The following EXTL3 variants were observed in gnomAD, a reference collection of about 807,000 sequenced individuals.
EXTL3 encodes the protein exostosin-like 3.
In EXTL3, 27 loss-of-function variants were observed where a neutral mutation model predicts 69.3. That is an observed-to-expected ratio of 0.39 (90% CI 0.29 to 0.54). The LOEUF (loss-of-function observed/expected upper bound fraction) is 0.54, where lower values mean the gene tolerates loss of function less well. Ranked by LOEUF, EXTL3 falls within the 20% of genes least tolerant of loss-of-function variation. The pLI is 0.69. For synonymous variants in EXTL3, 511 were observed against 499.4 expected (o/e 1.02, Z -0.31); for missense variants, 1,003 against 1,231.8 (o/e 0.81, Z 2.78).
At chr8:28,609,121 T>G (rs1806239749) in intron 2 of EXTL3, among the ~76,000 whole-genome samples, 1 of 140,730 alleles carries the variant, frequency 7.1e-6, no homozygotes, top group African/African-American at 2.6e-5. Flanking sequence ...GGACTGAGCT[T>G]GACACATTTG....
At chr8:28,629,680 GA>G (rs1476835754) in intron 1 of EXTL3, among the ~76,000 whole-genome samples, 1 of 152,110 alleles carries the variant, frequency 6.6e-6, no homozygotes, top group Non-Finnish European at 1.5e-5. Context: ...TTCCATCAAG[GA>G]AGCCACCCAG....
At chr8:28,611,347 G>A (rs542963795) in intron 2 of EXTL3, among the ~76,000 whole-genome samples, 2 of 152,152 alleles carry the variant, frequency 1.3e-5, no homozygotes, top group East Asian at 3.9e-4. Context: ...CAGCTCCTTG[G>A]TAGGCTGAGG....
At chr8:28,665,416 C>CT (rs34069791) in intron 1 of EXTL3, among the ~76,000 whole-genome samples, 7,897 of 115,376 alleles carry the variant, frequency 0.068, 559 homozygotes, top group East Asian at 0.24. Flanking sequence ...CACTTGTTTA[C>CT]TTTTTTTTTT....
chr8:28,739,018 CTCT>C (rs1801718976), intron 5 of EXTL3, among the ~76,000 whole-genome samples: 1 of 152,212 alleles, frequency 6.6e-6, no homozygotes, highest in Non-Finnish European at 1.5e-5. Flanking sequence ...GCCTCTGTTG[CTCT>C]TCTTATTTTC....
At chr8:28,651,380 CAGTGGCA>C (rs1187551388) in intron 1 of EXTL3, among the ~76,000 whole-genome samples, 1 of 152,138 alleles carries the variant, frequency 6.6e-6, no homozygotes, top group Non-Finnish European at 1.5e-5. Context: ...CGCTGGAGTG[CAGTGGCA>C]CTATCATGAC....
chr8:28,690,324 T>A (rs1800593925), intron 1 of EXTL3, among the ~76,000 whole-genome samples: 1 of 152,140 alleles, frequency 6.6e-6, no homozygotes, highest in Non-Finnish European at 1.5e-5. Context: ...GTGATTCTCA[T>A]GCCTCAGCCT....
rs1313693119 is a variant in EXTL3 at position 28,753,437 on chromosome 8, C to T, written c.*2571C>T. Reference sequence around the variant, plus strand: ...CCAGGGCTCTGCAGGCCACTGTGAGCGCTGGCTCCCTGGGCAGTGCTCCTC... The same window carrying T: ...CCAGGGCTCTGCAGGCCACTGTGAGTGCTGGCTCCCTGGGCAGTGCTCCTC... On this transcript the variant is annotated 3_prime_UTR_variant, in exon 7 of 7. Transcript: ENST00000220562. 2.0e-5 allele frequency: 3 copies of T among 152,502 alleles called. No homozygotes were observed. The highest frequency in any genetic ancestry group is 4.8e-5 in the African/African-American group (2 of 41,420). The allele number at this position is 152,502 out of a possible 1,614,324, so 9.4% of individuals were successfully genotyped here. A position where few individuals can be genotyped will look rare whatever the true frequency, so the allele number is the denominator to read the frequency against.
At chr8:28,682,059 C>CAAA (rs887399021) in intron 1 of EXTL3, among the ~76,000 whole-genome samples, 5 of 152,188 alleles carry the variant, frequency 3.3e-5, no homozygotes, top group Non-Finnish European at 7.3e-5. Context: ...AACTCCGTCT[C>CAAA]AAACAACAAC....
chr8:28,685,835 A>G (rs1313905379), intron 1 of EXTL3: 1 of 151,230 alleles, frequency 6.6e-6, no homozygotes. Flanking sequence ...GTGTATATAT[A>G]TACATATTTT....
chr8:28,629,062 C>T (rs539485627), intron 1 of EXTL3, among the ~76,000 whole-genome samples: 3 of 152,190 alleles, frequency 2.0e-5, no homozygotes, highest in South Asian at 2.1e-4. Context: ...CAGATGAGAA[C>T]GGTGAGGCCC....
intron 1 of EXTL3, among the ~76,000 whole-genome samples, chr8:28,649,176 A>C (rs968920377): frequency 4.6e-5 from 7 of 152,276 alleles, no homozygotes; most frequent in African/African-American, 1.4e-4. Context: ...GTAGCTGGGA[A>C]TACAGGCATA....
In EXTL3 at chr8:28,717,307, A is replaced by T; in HGVS notation, c.1248A>T (p.Gly416=). Residue 416 remains glycine, a synonymous_variant, in exon 3 of 7, where the codon GGA becomes GGT. Transcript: ENST00000220562. The surrounding 1 kb of genome is among the most constrained non-coding windows in gnomAD (Gnocchi z 8.3). ...TGCCGACTGAGTGGGCACTGTGTGGAGAGCGGGAGGACCGCTTGGAATTGC... is the reference window on the plus strand; with the variant it reads ...TGCCGACTGAGTGGGCACTGTGTGGTGAGCGGGAGGACCGCTTGGAATTGC... The part of the protein sequence containing the change: ...PSLPTEWALC[G]EREDRLELLK... The T allele has an allele frequency of 6.2e-7, 1 of 1,614,222 alleles. No homozygotes were observed. Among genetic ancestry groups the T allele is most frequent in the Admixed American group, 1.7e-5 (1 of 60,028 alleles).
At chr8:28,635,715 C>A (rs887525598) in intron 1 of EXTL3, among the ~76,000 whole-genome samples, 2 of 142,726 alleles carry the variant, frequency 1.4e-5, no homozygotes, top group Admixed American at 7.2e-5. Context: ...CCCCACAACT[C>A]CACACACACA....
At chr8:28,686,250 G>T (rs1345818463) in intron 1 of EXTL3, among the ~76,000 whole-genome samples, 2 of 151,994 alleles carry the variant, frequency 1.3e-5, no homozygotes, top group Admixed American at 1.3e-4. Context: ...CCAGCATTTT[G>T]GGAGGCTGAC....
intron 1 of EXTL3, among the ~76,000 whole-genome samples, chr8:28,704,569 C>G (rs1483553923): frequency 6.6e-6 from 1 of 152,110 alleles, no homozygotes; most frequent in Non-Finnish European, 1.5e-5. Flanking sequence ...GCTTTTTTGA[C>G]CATTTTCCCT....
chr8:28,737,708 C>G (rs1333803025), intron 5 of EXTL3, 45 bp downstream of exon 5: 5 of 1,607,462 alleles, frequency 3.1e-6, no homozygotes, highest in Non-Finnish European at 4.3e-6. Flanking sequence ...GTGAGAGTTT[C>G]ACCTTTGTGT....
At position 28,708,565 on chromosome 8, in the gene EXTL3, G is replaced by T. The variant is rs895039522; in HGVS notation, c.-569-4892G>T. On this transcript the variant is annotated intron_variant, in intron 1 of 6. Transcript: ENST00000220562. ...TGACAGGCTGTTTGTCATGCCTGTA[G>T]TTAGGAAATCAGGAAATGATGTTTT... 3.3e-5 allele frequency among the ~76,000 whole-genome samples: 5 copies of T among 151,954 alleles called. No homozygotes were observed. In the East Asian group the frequency reaches 9.6e-4, roughly 29 times the overall value.
At chr8:28,686,898 G>A (rs1044802826) in intron 1 of EXTL3, among the ~76,000 whole-genome samples, 1 of 152,120 alleles carries the variant, frequency 6.6e-6, no homozygotes. Context: ...TAAGTCACTT[G>A]ACCAAAAACA....
At chr8:28,679,362 C>T (rs2130656661) in intron 1 of EXTL3, among the ~76,000 whole-genome samples, 1 of 152,280 alleles carries the variant, frequency 6.6e-6, no homozygotes, top group African/African-American at 2.4e-5. Context: ...GGGAGAATCG[C>T]TTGAACCTGG....
Sources: gnomAD v4.1 joint callset for allele counts (sites outside exome capture counted in the v4.1 genomes callset) on GRCh38, gnomAD v4.1.1 for gene constraint, Gnocchi (gnomAD v3.1) non-coding constraint, MANE v1.5 for transcripts, NCBI Gene and HGNC (gene_info 2026-07-23, HGNC 2026-07-21) for gene names.